The following NLGN1 variants were observed in gnomAD, a reference collection of about 807,000 sequenced individuals.
The protein encoded by NLGN1 is neuroligin 1, also known as neuroligin-1.
Under a neutral mutation model 65.5 loss-of-function variants are expected in NLGN1, and 12 were observed. That is an observed-to-expected ratio of 0.18 (90% CI 0.12 to 0.30). NLGN1 has a LOEUF of 0.30. NLGN1 is among the 10% of genes least tolerant of loss of function. NLGN1 has a pLI of 1.00. For missense variants in NLGN1, 750 were observed against 1,007.1 expected (o/e 0.74, Z 3.46); for synonymous variants, 350 against 359.5 (o/e 0.97, Z 0.30).
In NLGN1 at chr3:173,517,038, AG is replaced by A. The variant is rs575039919; in HGVS notation, c.-321+81961del. Among the ~76,000 whole-genome samples, 24 of 137,970 alleles carry A rather than the reference AG, an allele frequency of 1.7e-4. 1 individual carries two copies. In the South Asian group the frequency reaches 5.0e-3, roughly 29 times the overall value. 90.5% of individuals were successfully genotyped at this position (137,970 alleles called of 152,430 possible). ...TCTTTAAGTATTAGATCTGCCACTT[AG>A]TAGGCAATTAATAATTTGTTAATGT... On this transcript the variant is annotated intron_variant, in intron 2 of 6. Coordinates refer to ENST00000457714, the Ensembl canonical transcript of NLGN1.
chr3:173,796,497 T>C (rs1046979568), intron 3 of NLGN1, among the ~76,000 whole-genome samples: 3 of 152,136 alleles, frequency 2.0e-5, no homozygotes, highest in African/African-American at 7.2e-5. Flanking sequence ...TTAGTCCTGT[T>C]GTTTCACCAC....
Position 173,895,352 on chromosome 3 carries a change from T to A in NLGN1, c.646+87520T>A, listed in dbSNP as rs532306244. 1.4e-4 allele frequency among the ~76,000 whole-genome samples: 21 copies of A among 152,304 alleles called. 1 individual carries two copies. In the East Asian group the frequency reaches 4.1e-3, roughly 29 times the overall value. On this transcript the variant is annotated intron_variant, in intron 4 of 6. Coordinates refer to ENST00000457714, the Ensembl canonical transcript of NLGN1. ...TTTTATTACAAAGGCATCAAGATGC[T>A]AGCAGGTGATGATCTCTACCAGGAT...
At chr3:174,218,236 CCTTT>C (rs749125768) in intron 4 of NLGN1, among the ~76,000 whole-genome samples, 19 of 151,988 alleles carry the variant, frequency 1.3e-4, no homozygotes, top group Non-Finnish European at 2.5e-4. Flanking sequence ...CATTGATTAC[CCTTT>C]ACCTTCCCAA....
chr3:174,059,761 A>C (rs539846483), intron 4 of NLGN1, among the ~76,000 whole-genome samples: 1 of 152,304 alleles, frequency 6.6e-6, no homozygotes, highest in Non-Finnish European at 1.5e-5. Context: ...GTTAAATGCT[A>C]TTACAAATTG....
chr3:173,888,615 A>C (rs1734782358), intron 4 of NLGN1, among the ~76,000 whole-genome samples: 1 of 152,068 alleles, frequency 6.6e-6, no homozygotes, highest in Non-Finnish European at 1.5e-5. Flanking sequence ...TGTTATGTTC[A>C]TATTAATACA....
Position 174,219,711 on chromosome 3 carries a change from A to G in NLGN1, c.647-55604A>G, listed in dbSNP as rs186690901. Reference sequence around the variant, plus strand: ...TCACCGTTGTATCCCCAATAGTCCAATGCCTTGGCACAAATCAGATGTTCC... The same window carrying G: ...TCACCGTTGTATCCCCAATAGTCCAGTGCCTTGGCACAAATCAGATGTTCC... On this transcript the variant is annotated intron_variant, in intron 4 of 6. Coordinates refer to ENST00000457714, the Ensembl canonical transcript of NLGN1. Among the ~76,000 whole-genome samples, 80 of 152,242 alleles carry G rather than the reference A, an allele frequency of 5.3e-4. 1 individual carries two copies. Among genetic ancestry groups the G allele is most frequent in the Middle Eastern group, 3.4e-3 (1 of 294 alleles).
At chr3:174,083,007 A>G (rs1024292457) in intron 4 of NLGN1, among the ~76,000 whole-genome samples, 1 of 152,330 alleles carries the variant, frequency 6.6e-6, no homozygotes, top group Non-Finnish European at 1.5e-5. Context: ...GATCACAGGC[A>G]TGAGCCACCA....
chr3:174,175,300 A>G (rs1323755237), intron 4 of NLGN1, among the ~76,000 whole-genome samples: 1 of 151,820 alleles, frequency 6.6e-6, no homozygotes, highest in Non-Finnish European at 1.5e-5. Flanking sequence ...TTTGCTTTAT[A>G]TATCTGAGTG....
chr3:173,779,525 A>G (rs907249529), intron 3 of NLGN1, among the ~76,000 whole-genome samples: 1 of 152,032 alleles, frequency 6.6e-6, no homozygotes, highest in African/African-American at 2.4e-5. Flanking sequence ...CCTGTAATAC[A>G]TCAAATCCTG....
At chr3:174,222,601 G>T (rs1337065393) in intron 4 of NLGN1, among the ~76,000 whole-genome samples, 1 of 152,050 alleles carries the variant, frequency 6.6e-6, no homozygotes. Flanking sequence ...GTTAGGTTTG[G>T]GGTTTATTTT....
intron 2 of NLGN1, among the ~76,000 whole-genome samples, chr3:173,503,706 A>G (rs1373309212): frequency 1.3e-5 from 2 of 152,014 alleles, no homozygotes; most frequent in Non-Finnish European, 2.9e-5. Flanking sequence ...TTTTGAGGCC[A>G]CCTGAAGATA....
At chr3:174,139,348 A>G (rs1721876301) in intron 4 of NLGN1, among the ~76,000 whole-genome samples, 1 of 152,146 alleles carries the variant, frequency 6.6e-6, no homozygotes, top group Admixed American at 6.6e-5. Flanking sequence ...AGGAAGACAT[A>G]TAATTGGAAT....
intron 2 of NLGN1, among the ~76,000 whole-genome samples, chr3:173,535,347 A>AG (rs763920554): frequency 3.3e-5 from 5 of 152,224 alleles, no homozygotes; most frequent in Admixed American, 6.5e-5. Flanking sequence ...GTTGTGAAAA[A>AG]TATCCTGCAT....
At chr3:173,729,914 G>T (rs1239807416) in intron 3 of NLGN1, among the ~76,000 whole-genome samples, 3 of 151,660 alleles carry the variant, frequency 2.0e-5, no homozygotes, top group African/African-American at 7.3e-5. Context: ...ATATCTATTT[G>T]TTTCAGATAT....
chr3:173,509,346 C>T (rs528594306), intron 2 of NLGN1, among the ~76,000 whole-genome samples: 1 of 152,110 alleles, frequency 6.6e-6, no homozygotes, highest in African/African-American at 2.4e-5. Context: ...TATATAGTTC[C>T]CATTACTCTT....
In NLGN1 at chr3:173,786,814, C is replaced by T. The variant is rs988812475; in HGVS notation, c.494-20866C>T. ...ATATGGGGCAGGGCATGGTGGCTCA[C>T]GCCTATAATCCCAGCATTTTGGGAG... On this transcript the variant is annotated intron_variant, in intron 3 of 6. Coordinates refer to ENST00000457714, the Ensembl canonical transcript of NLGN1. 5.9e-5 allele frequency among the ~76,000 whole-genome samples: 9 copies of T among 152,258 alleles called. No homozygotes were observed. The South Asian group carries it at 1.4e-3, about 25-fold the overall frequency.
At chr3:173,465,541 C>G (rs568786498) in intron 2 of NLGN1, among the ~76,000 whole-genome samples, 1 of 152,018 alleles carries the variant, frequency 6.6e-6, no homozygotes, top group East Asian at 1.9e-4. Context: ...ATGTTTTTAA[C>G]GGAAATGCCA....
chr3:173,811,425 G>A (rs548245322), intron 4 of NLGN1, among the ~76,000 whole-genome samples: 46 of 152,012 alleles, frequency 3.0e-4, no homozygotes, highest in Non-Finnish European at 3.7e-4. Context: ...TCAGCTTGGC[G>A]TGGTGGTGGG....
At chr3:173,428,283 A>G (rs1716522304) in intron 1 of NLGN1, among the ~76,000 whole-genome samples, 1 of 151,750 alleles carries the variant, frequency 6.6e-6, no homozygotes, top group Non-Finnish European at 1.5e-5. Context: ...ATTCAGTGTT[A>G]TTATTGATAG....
Sources: gnomAD v4.1 joint callset for allele counts (sites outside exome capture counted in the v4.1 genomes callset) on GRCh38, gnomAD v4.1.1 for gene constraint, MANE v1.5 for transcripts, NCBI Gene and HGNC (gene_info 2026-07-23, HGNC 2026-07-21) for gene names.